Variants in DAB1 observed in about 807,000 individuals in gnomAD.
DAB1 encodes DAB adaptor protein 1, also known as disabled homolog 1.
Under a neutral mutation model 64.6 loss-of-function variants are expected in DAB1, and 15 were observed. The observed-to-expected ratio is 0.23, with a 90% CI of 0.16 to 0.36. The LOEUF (loss-of-function observed/expected upper bound fraction) is 0.36. Ranked by LOEUF, DAB1 falls within the 10% of genes least tolerant of loss-of-function variation. The pLI is 1.00. For missense variants in DAB1, 596 were observed against 706.7 expected, an observed-to-expected ratio of 0.84 and a Z score of 1.78; for synonymous variants, 235 against 251.9, an observed-to-expected ratio of 0.93 and a Z score of 0.64.
Position 58,069,357 on chromosome 1 carries a change from A to G in DAB1, n.387+81154T>C, listed in dbSNP as rs1649084863. On this transcript the variant is annotated intron_variant and non_coding_transcript_variant, in intron 5 of 20. Coordinates refer to the DAB1 transcript ENST00000485760. ...GCTTCCAACCGAGGCACCGTCCTCT[A>G]AAACAACAGTACTTACTGTCCTGAT... Among the ~76,000 whole-genome samples the G allele has an allele frequency of 2.0e-5, 3 of 152,364 alleles. No homozygotes were observed. The South Asian group carries it at 6.2e-4, about 32-fold the overall frequency.
chr1:58,219,124 G>GCT (rs1659022952), intron 4 of DAB1, among the ~76,000 whole-genome samples: 1 of 151,684 alleles, frequency 6.6e-6, no homozygotes, highest in African/African-American at 2.4e-5. Flanking sequence ...AGAGAAAAGG[G>GCT]CTCTGCACCC....
At chr1:58,120,745 T>C (rs1285857531) in intron 5 of DAB1, among the ~76,000 whole-genome samples, 1 of 152,164 alleles carries the variant, frequency 6.6e-6, no homozygotes, top group Non-Finnish European at 1.5e-5. Flanking sequence ...ACGTGTCCCT[T>C]TTTAATCAAA....
intron 3 of DAB1, among the ~76,000 whole-genome samples, chr1:58,348,914 A>C (rs1644025475): frequency 6.6e-6 from 1 of 152,210 alleles, no homozygotes; most frequent in Non-Finnish European, 1.5e-5. Context: ...TCAAGATGTC[A>C]TTAGGAAGAT....
chr1:57,999,152 T>C (rs1013157310), intron 5 of DAB1, among the ~76,000 whole-genome samples: 3 of 152,234 alleles, frequency 2.0e-5, no homozygotes, highest in African/African-American at 7.2e-5. Context: ...TACCACTTAT[T>C]AATCTGCTAT....
chr1:57,815,831 T>C lies in DAB1; in HGVS notation n.551+68168A>G, dbSNP rs536620535. ...TATGTACATATCTCTAATTTTGCAC[T>C]TTTTGCACTGAATTAAAATGGTTTT... On this transcript the variant is annotated intron_variant and non_coding_transcript_variant, in intron 6 of 20. Coordinates refer to the DAB1 transcript ENST00000485760. Among the ~76,000 whole-genome samples, 6 of 152,326 alleles carry C rather than the reference T, an allele frequency of 3.9e-5. No homozygotes were observed. In the South Asian group the frequency reaches 1.2e-3, roughly 32 times the overall value.
At chr1:57,410,967 G>A (rs893196325) in intron 1 of DAB1, among the ~76,000 whole-genome samples, 1 of 152,202 alleles carries the variant, frequency 6.6e-6, no homozygotes, top group Admixed American at 6.5e-5. Context: ...CAGTACTGAT[G>A]TCATAAGGGA....
In DAB1 at chr1:58,392,334, A is replaced by G. The variant is rs531367706; in HGVS notation, n.258-48931T>C. Among the ~76,000 whole-genome samples the G allele has an allele frequency of 1.1e-3, 170 of 152,268 alleles. 2 individuals carry two copies. The highest frequency in any genetic ancestry group is 3.9e-3 in the African/African-American group (161 of 41,558). On this transcript the variant is annotated intron_variant and non_coding_transcript_variant, in intron 3 of 20. Coordinates refer to the DAB1 transcript ENST00000485760. The stretch of plus-strand genomic sequence containing the variant: ...CTGCCATTCTTTCAAATCATATGCA[A>G]ATTTCTCTTTTGGTCTATCCTAACT...
intron 5 of DAB1, among the ~76,000 whole-genome samples, chr1:58,067,322 T>C (rs17116811): frequency 0.033 from 5,039 of 152,328 alleles, 158 homozygotes; most frequent in East Asian, 0.12. Context: ...TGCTGTGGAA[T>C]GCAAGAGTGA....
chr1:57,314,126 C>T (rs761238542), intron 1 of DAB1, among the ~76,000 whole-genome samples: 9 of 152,174 alleles, frequency 5.9e-5, no homozygotes, highest in Non-Finnish European at 1.3e-4. Flanking sequence ...GCAGGAGAGA[C>T]ATGAGTTTGT....
chr1:57,084,695 T>C (rs1183109007), intron 4 of DAB1, among the ~76,000 whole-genome samples: 1 of 152,250 alleles, frequency 6.6e-6, no homozygotes, highest in East Asian at 1.9e-4. Flanking sequence ...CTTCCAGCTC[T>C]GCTCTGCTTT....
Position 57,291,000 on chromosome 1 carries a change from C to A in DAB1, c.31G>T (p.Val11Leu), listed in dbSNP as rs943814270. The change falls in exon 2 of 15, where the codon GTG becomes TTG. Residue 11 changes from valine to leucine, a missense_variant. By Grantham distance (32) the Val-to-Leu change is conservative. This residue lies in a region of DAB1 where 43 missense variants were observed against 39.6 expected (regional missense o/e 1.09). Coordinates refer to ENST00000371236, the MANE Select transcript of DAB1 (RefSeq NM_001365792.1). ...GAGTCTTTCTTGGCGCTGGTTTTCA[C>A]AGCTACTTGAAGTTCTGTCTCAGTT... MSTETELQVA[V>L]KTSAKKDSRK... The A allele has an allele frequency of 1.2e-6, 2 of 1,612,164 alleles. No homozygotes were observed. The highest frequency in any genetic ancestry group is 3.4e-5 in the Admixed American group (2 of 59,660).
At chr1:57,724,350 G>C (rs1361660007) in intron 6 of DAB1, among the ~76,000 whole-genome samples, 1 of 134,746 alleles carries the variant, frequency 7.4e-6, no homozygotes, top group Non-Finnish European at 1.6e-5. Flanking sequence ...GGAGGGGAGG[G>C]GAAGGGAGGG....
intron 2 of DAB1, among the ~76,000 whole-genome samples, chr1:57,181,074 G>A (rs537993671): frequency 3.9e-5 from 6 of 152,282 alleles, no homozygotes; most frequent in Non-Finnish European, 7.4e-5. Context: ...AATGCCAAAT[G>A]TCTGACCCTA....
chr1:58,526,940 G>A (rs11805835), intron 2 of DAB1, among the ~76,000 whole-genome samples: 20,216 of 152,052 alleles, frequency 0.13, 1,485 homozygotes, highest in African/African-American at 0.19. Flanking sequence ...TCATGTCTAT[G>A]ATCAAAAAAT....
chr1:57,098,590 A>G (rs1654383652), intron 4 of DAB1, among the ~76,000 whole-genome samples: 1 of 152,206 alleles, frequency 6.6e-6, no homozygotes, highest in African/African-American at 2.4e-5. Context: ...ACAGAAATCA[A>G]ACTGCATCAT....
chr1:57,706,066 T>G (rs563425906), intron 6 of DAB1, among the ~76,000 whole-genome samples: 2 of 152,230 alleles, frequency 1.3e-5, no homozygotes, highest in Admixed American at 1.3e-4. Flanking sequence ...TTGAAATAGT[T>G]ACAGATTCAC....
At chr1:57,229,395 A>G (rs538945762) in intron 2 of DAB1, among the ~76,000 whole-genome samples, 20 of 151,892 alleles carry the variant, frequency 1.3e-4, no homozygotes, top group African/African-American at 4.8e-4. Flanking sequence ...GCATTTTACT[A>G]TGTTGCTCAG....
Position 57,905,907 on chromosome 1 carries a change from T to C in DAB1, n.388-21745A>G, listed in dbSNP as rs72920612. ...CCCCTGTTCACTTTGGTGACAGGAA[T>C]GCAGAGAATTCATTACATTTAGCCA... On this transcript the variant is annotated intron_variant and non_coding_transcript_variant, in intron 5 of 20. Transcript: ENST00000485760. Among the ~76,000 whole-genome samples the C allele has an allele frequency of 6.2e-3, 947 of 152,326 alleles. 14 individuals are homozygous for C. Among genetic ancestry groups the C allele is most frequent in the African/African-American group, 0.021 (890 of 41,578 alleles).
chr1:58,027,451 C>A (rs1214048520), intron 5 of DAB1, among the ~76,000 whole-genome samples: 1 of 152,106 alleles, frequency 6.6e-6, no homozygotes, highest in Non-Finnish European at 1.5e-5. Context: ...TAATGATAGT[C>A]AGTGGCTGAC....
Sources: gnomAD v4.1 joint callset for allele counts (sites outside exome capture counted in the v4.1 genomes callset) on GRCh38, gnomAD v4.1.1 for gene constraint, gnomAD v4.1.1 regional missense constraint, MANE v1.5 for transcripts, NCBI Gene and HGNC (gene_info 2026-07-23, HGNC 2026-07-21) for gene names.